Variants in FRMPD4 observed in about 807,000 individuals in gnomAD.
FRMPD4 encodes FERM and PDZ domain containing 4, also known as FERM and PDZ domain-containing protein 4.
Under a neutral mutation model 94.1 loss-of-function variants are expected in FRMPD4, and 22 were observed. The ratio of observed to expected loss-of-function variants is 0.23; its 90% CI spans 0.17 to 0.33. FRMPD4 has a LOEUF of 0.33. Among genes scored for constraint, FRMPD4 ranks in the 10% least tolerant of loss-of-function variants. FRMPD4 has a pLI of 1.00. For missense variants in FRMPD4, 1,111 were observed against 1,339.9 expected, an observed-to-expected ratio of 0.83 and a Z score of 2.67; for synonymous variants, 631 against 548.6, an observed-to-expected ratio of 1.15 and a Z score of -2.10.
intron 1 of FRMPD4, among the ~76,000 whole-genome samples, chrX:12,384,644 G>GA (rs1194090818): frequency 8.9e-6 from 1 of 112,403 alleles, no homozygotes; most frequent in Admixed American, 9.4e-5. Context: ...CAGAGTCATA[G>GA]AAAGAGGTCA....
At chrX:12,114,021 TC>T (rs781747958) in intron 3 of FRMPD4, among the ~76,000 whole-genome samples, 2 of 112,078 alleles carry the variant, frequency 1.8e-5, no homozygotes, top group East Asian at 5.6e-4. Flanking sequence ...TATTTTCCTG[TC>T]CTTTAATCTC....
In FRMPD4 at chrX:12,086,908, TACTATAAG is replaced by T. The variant is rs750499762; in HGVS notation, c.95+208894_95+208901del. ...GGTTGTAGGCAGAACTGTTTCTTGG[TACTATAAG>T]ACTGAGGTCCCCACTCTCTTGCTGG... On this transcript the variant is annotated intron_variant, in intron 3 of 18. Coordinates refer to the FRMPD4 transcript ENST00000640291. 7.2e-4 allele frequency among the ~76,000 whole-genome samples: 80 copies of T among 110,818 alleles called. No homozygotes were observed. In the East Asian group the frequency reaches 0.011, roughly 15 times the overall value.
intron 2 of FRMPD4, among the ~76,000 whole-genome samples, chrX:12,541,887 C>G (rs918542112): frequency 1.8e-5 from 2 of 111,884 alleles, no homozygotes; most frequent in African/African-American, 6.5e-5. Flanking sequence ...AAAAGCTTAT[C>G]CACCATGATC....
intron 3 of FRMPD4, among the ~76,000 whole-genome samples, chrX:12,072,308 A>C (rs113793092): frequency 2.7e-5 from 3 of 112,244 alleles, no homozygotes; most frequent in East Asian, 5.6e-4. Flanking sequence ...TTATTAAGAG[A>C]GGAATGATGG....
At chrX:12,330,779 A>T (rs964971778) in intron 1 of FRMPD4, among the ~76,000 whole-genome samples, 2 of 111,091 alleles carry the variant, frequency 1.8e-5, no homozygotes, top group Non-Finnish European at 3.8e-5. Context: ...ATGCTCCCTG[A>T]TGCCTTAATC....
chrX:12,642,371 G>A (rs1175535568), intron 4 of FRMPD4, among the ~76,000 whole-genome samples: 4 of 112,098 alleles, frequency 3.6e-5, no homozygotes, highest in East Asian at 2.8e-4. Context: ...AGACCCGGAC[G>A]ATGGGAAAAG....
At chrX:12,290,500 G>A (rs2054668605) in intron 1 of FRMPD4, among the ~76,000 whole-genome samples, 1 of 112,106 alleles carries the variant, frequency 8.9e-6, no homozygotes, top group South Asian at 3.7e-4. Flanking sequence ...TTTGATGATG[G>A]TGTGTTACTT....
chrX:12,179,657 C>T (rs1397625092), intron 1 of FRMPD4, among the ~76,000 whole-genome samples: 1 of 111,452 alleles, frequency 9.0e-6, no homozygotes, highest in Non-Finnish European at 1.9e-5. Flanking sequence ...AGGCTTGACA[C>T]CAACGCGTGC....
chrX:12,218,665 T>C (rs2056832638), intron 1 of FRMPD4, among the ~76,000 whole-genome samples: 1 of 112,077 alleles, frequency 8.9e-6, no homozygotes, highest in Non-Finnish European at 1.9e-5. Context: ...TTAAAGCCTT[T>C]CAAGGGTGAT....
At chrX:12,220,692 T>C (rs1376269390) in intron 1 of FRMPD4, among the ~76,000 whole-genome samples, 1 of 112,158 alleles carries the variant, frequency 8.9e-6, no homozygotes, top group East Asian at 2.8e-4. Flanking sequence ...ATTTTCTTTG[T>C]TACAAGTTAC....
intron 3 of FRMPD4, among the ~76,000 whole-genome samples, chrX:12,002,146 A>G (rs1005949838): frequency 2.5e-4 from 28 of 111,811 alleles, no homozygotes; most frequent in Non-Finnish European, 4.9e-4. Flanking sequence ...CTTCTCATGC[A>G]TTCTGTAGAG....
At position 12,465,546 on chromosome X, in the gene FRMPD4, C is replaced by T. The variant is rs1467222757; in HGVS notation, c.42-33134C>T. ...GTGTCATTCCATTGGTTAGAAAACT[C>T]TCAACATTTCACCACTGCCCTATGT... is the stretch of plus-strand genomic sequence containing the variant. On this transcript the variant is annotated intron_variant, in intron 1 of 16. Transcript: ENST00000675598. Among the ~76,000 whole-genome samples the T allele has an allele frequency of 2.7e-5, 3 of 111,548 alleles. No homozygotes were observed. In the Admixed American group the frequency reaches 2.9e-4, roughly 11 times the overall value.
At chrX:12,269,414 A>G (rs1009538829) in intron 1 of FRMPD4, among the ~76,000 whole-genome samples, 4 of 111,917 alleles carry the variant, frequency 3.6e-5, no homozygotes, top group African/African-American at 1.3e-4. Flanking sequence ...TCTGTTCTAT[A>G]CATTGATCCA....
chrX:12,658,087 G>C (rs1235155813), intron 4 of FRMPD4, among the ~76,000 whole-genome samples: 1 of 111,821 alleles, frequency 8.9e-6, no homozygotes, highest in Non-Finnish European at 1.9e-5. Flanking sequence ...GTCATGATGA[G>C]GTCAAGACCT....
In FRMPD4 at chrX:12,609,775, C is replaced by G. The variant is rs781143203; in HGVS notation, c.213C>G (p.Ile71Met). Residue 71 changes from isoleucine to methionine, a missense_variant, in exon 3 of 17, where the codon ATC (isoleucine) becomes ATG (methionine). This residue lies in a region of FRMPD4 where 140 missense variants were observed against 165.9 expected (regional missense o/e 0.84). Coordinates refer to ENST00000675598, the MANE Select transcript of FRMPD4 (RefSeq NM_001368397.1). ...ACCCTCGGTTAGAGAGCTGCCAAAT[C>G]ATCCCTCCGGCTCCTCGGAAGGTGG... ...FDDPRLESCQ[I>M]IPPAPRKVEM... is the part of the protein sequence containing the mutation. 14 of 1,206,351 alleles carry G rather than the reference C, an allele frequency of 1.2e-5. No individual in the cohort carries two copies. The highest frequency in any genetic ancestry group is 2.2e-5 in the Admixed American group (1 of 45,841).
chrX:12,008,082 C>T (rs1054789312), intron 3 of FRMPD4, among the ~76,000 whole-genome samples: 2 of 112,082 alleles, frequency 1.8e-5, no homozygotes, highest in Non-Finnish European at 3.8e-5. Flanking sequence ...TGAGTCACTG[C>T]GTGCTGGGCC....
intron 1 of FRMPD4, among the ~76,000 whole-genome samples, chrX:12,158,253 C>T (rs993287856): frequency 1.8e-5 from 2 of 111,219 alleles, no homozygotes; most frequent in African/African-American, 6.5e-5. Flanking sequence ...GTAGAGGTTC[C>T]CAGTAGTTGT....
chrX:12,696,941 C>T (rs2060139401), intron 9 of FRMPD4, among the ~76,000 whole-genome samples: 3 of 111,763 alleles, frequency 2.7e-5, no homozygotes, highest in African/African-American at 9.8e-5. Flanking sequence ...AGACACAGAA[C>T]ATACAAGAAT....
At chrX:11,836,699 CAGAT>C (rs1240173983) in intron 1 of FRMPD4, among the ~76,000 whole-genome samples, 3 of 111,721 alleles carry the variant, frequency 2.7e-5, no homozygotes, top group Non-Finnish European at 5.7e-5. Flanking sequence ...AGGAAACAGA[CAGAT>C]AAACCCAATT....
Sources: allele counts gnomAD v4.1 joint callset (sites outside exome capture counted in the v4.1 genomes callset), GRCh38; gene constraint gnomAD v4.1.1; regional missense constraint gnomAD v4.1.1; transcripts MANE v1.5; gene names NCBI Gene and HGNC (gene_info 2026-07-23, HGNC 2026-07-21).